The following MAGI1 variants were observed in gnomAD, a reference collection of about 807,000 sequenced individuals.
MAGI1 encodes the protein membrane-associated guanylate kinase, WW and PDZ domain-containing protein 1.
Under a neutral mutation model 139.9 loss-of-function variants are expected in MAGI1, and 58 were observed. The ratio of observed to expected loss-of-function variants is 0.41; its 90% CI spans 0.34 to 0.52. The LOEUF is 0.52. Among genes scored for constraint, MAGI1 ranks in the 20% least tolerant of loss-of-function variants. The pLI is 0.12. For synonymous variants in MAGI1, 812 were observed against 737.9 expected (o/e 1.10, Z -1.63); for missense variants, 1,874 against 1,901.6 (o/e 0.99, Z 0.27).
intron 1 of MAGI1, among the ~76,000 whole-genome samples, chr3:65,971,181 A>AGTG: frequency 6.6e-6 from 1 of 152,222 alleles, no homozygotes; most frequent in East Asian, 1.9e-4. Flanking sequence ...CCAGCCTGGA[A>AGTG]ACAGAGCGAG....
chr3:65,972,494 T>G (rs1416163734), intron 1 of MAGI1, among the ~76,000 whole-genome samples: 1 of 152,186 alleles, frequency 6.6e-6, no homozygotes, highest in Admixed American at 6.5e-5. Flanking sequence ...TTAACTTTGT[T>G]TCTATTATGT....
intron 1 of MAGI1, among the ~76,000 whole-genome samples, chr3:66,029,276 T>C (rs1249182597): frequency 2.6e-5 from 4 of 152,258 alleles, no homozygotes; most frequent in African/African-American, 4.8e-5. Flanking sequence ...TTTTGAAACA[T>C]GGCTTATAAT....
At chr3:66,035,077 T>C (rs1236468791) in intron 1 of MAGI1, among the ~76,000 whole-genome samples, 1 of 152,212 alleles carries the variant, frequency 6.6e-6, no homozygotes, top group Non-Finnish European at 1.5e-5. Flanking sequence ...CATAATTATA[T>C]ATAACTTTGT....
Position 65,633,621 on chromosome 3 carries a change from A to G in MAGI1, c.314-11533T>C, listed in dbSNP as rs1470891511. ...GAGAAAAAATTTGAATTAAGCATGGAAAGAAAAGCAAGCTTAGGTTTAAAT... is the reference window on the plus strand; with the variant it reads ...GAGAAAAAATTTGAATTAAGCATGGGAAGAAAAGCAAGCTTAGGTTTAAAT... On this transcript the variant is annotated intron_variant, in intron 1 of 22. Coordinates refer to ENST00000402939, the MANE Select transcript of MAGI1 (RefSeq NM_001033057.2). 2.0e-5 allele frequency among the ~76,000 whole-genome samples: 3 copies of G among 152,322 alleles called. 1 individual carries two copies. In the East Asian group the frequency reaches 5.8e-4, roughly 29 times the overall value.
chr3:65,861,584 G>C (rs1022692047), intron 1 of MAGI1, among the ~76,000 whole-genome samples: 1 of 152,098 alleles, frequency 6.6e-6, no homozygotes, highest in Non-Finnish European at 1.5e-5. Flanking sequence ...AATAAAGATG[G>C]GTAACAGTGC....
At chr3:65,527,389 G>C (rs142808109) in intron 2 of MAGI1, among the ~76,000 whole-genome samples, 1 of 152,216 alleles carries the variant, frequency 6.6e-6, no homozygotes, top group East Asian at 1.9e-4. Flanking sequence ...AGACCAACCT[G>C]GCCAATATGG....
chr3:65,675,994 T>C (rs1011730905), intron 1 of MAGI1, among the ~76,000 whole-genome samples: 1 of 152,200 alleles, frequency 6.6e-6, no homozygotes, highest in African/African-American at 2.4e-5. Context: ...ATGTCAATAG[T>C]TTGGAGGAGA....
At chr3:65,984,246 A>G (rs2065750701) in intron 1 of MAGI1, among the ~76,000 whole-genome samples, 1 of 152,170 alleles carries the variant, frequency 6.6e-6, no homozygotes. Flanking sequence ...GTGAGCCAAG[A>G]TTGTGCCATT....
intron 2 of MAGI1, among the ~76,000 whole-genome samples, chr3:65,551,110 T>A (rs1466081216): frequency 2.6e-5 from 4 of 152,112 alleles, no homozygotes; most frequent in Non-Finnish European, 4.4e-5. Flanking sequence ...TGGGGGCGAT[T>A]TCTGCCATGC....
At chr3:66,018,783 T>C (rs2067807396) in intron 1 of MAGI1, among the ~76,000 whole-genome samples, 1 of 152,194 alleles carries the variant, frequency 6.6e-6, no homozygotes, top group South Asian at 2.1e-4. Context: ...GTCTCATTAC[T>C]TACCTCCCAT....
chr3:65,367,636 G>T (rs1354550274), intron 18 of MAGI1, among the ~76,000 whole-genome samples: 1 of 152,070 alleles, frequency 6.6e-6, no homozygotes, highest in East Asian at 1.9e-4. Flanking sequence ...GTGCAATTAT[G>T]GCCCCAGTTT....
chr3:65,515,982 GA>G (rs1288374219), intron 2 of MAGI1, among the ~76,000 whole-genome samples: 2 of 152,180 alleles, frequency 1.3e-5, no homozygotes, highest in Non-Finnish European at 2.9e-5. Flanking sequence ...ACAGGGAATT[GA>G]AATAGCAGAA....
intron 1 of MAGI1, among the ~76,000 whole-genome samples, chr3:65,841,691 G>T (rs2058812849): frequency 6.6e-6 from 1 of 152,040 alleles, no homozygotes; most frequent in Admixed American, 6.5e-5. Flanking sequence ...CTCCCAAAAT[G>T]CTGGGATTAC....
intron 9 of MAGI1, among the ~76,000 whole-genome samples, chr3:65,438,504 G>A (rs1000901504): frequency 4.6e-5 from 7 of 152,184 alleles, no homozygotes; most frequent in African/African-American, 1.7e-4. Flanking sequence ...AGCTGCACTT[G>A]TACCCACTAA....
At chr3:65,832,865 T>C (rs991731647) in intron 1 of MAGI1, among the ~76,000 whole-genome samples, 1 of 152,158 alleles carries the variant, frequency 6.6e-6, no homozygotes, top group Non-Finnish European at 1.5e-5. Flanking sequence ...TTATTATTAC[T>C]CAATGTGGGG....
intron 2 of MAGI1, among the ~76,000 whole-genome samples, chr3:65,581,468 T>C (rs2106641194): frequency 6.6e-6 from 1 of 152,274 alleles, no homozygotes; most frequent in African/African-American, 2.4e-5. Context: ...CTATTACTGC[T>C]TTAACTTCAT....
At chr3:65,414,435 C>T (rs1485805737) in intron 12 of MAGI1, among the ~76,000 whole-genome samples, 3 of 152,202 alleles carry the variant, frequency 2.0e-5, no homozygotes, top group Non-Finnish European at 4.4e-5. Flanking sequence ...CGCTTTCTTC[C>T]TGAATGAAGA....
At chr3:65,631,885 C>T (rs2107160517) in intron 1 of MAGI1, among the ~76,000 whole-genome samples, 1 of 151,986 alleles carries the variant, frequency 6.6e-6, no homozygotes, top group Middle Eastern at 3.4e-3. Flanking sequence ...ATTAGACGGG[C>T]GTGGTGGCAG....
At chr3:65,425,424 C>A (rs765794232) in intron 12 of MAGI1, among the ~76,000 whole-genome samples, 1 of 152,080 alleles carries the variant, frequency 6.6e-6, no homozygotes, top group South Asian at 2.1e-4. Context: ...TCTCCACAGT[C>A]CTGTGGTCTT....
Sources: allele counts gnomAD v4.1 joint callset (sites outside exome capture counted in the v4.1 genomes callset), GRCh38; gene constraint gnomAD v4.1.1; transcripts MANE v1.5; gene names NCBI Gene and HGNC (gene_info 2026-07-23, HGNC 2026-07-21).